TRDN: variants seen among roughly 807,000 people sequenced by gnomAD.
TRDN encodes the protein triadin in skeletal muscle.
TRDN carries 161 observed loss-of-function variants against 149.7 expected under a neutral mutation model. The ratio of observed to expected loss-of-function variants is 1.08; its 90% CI spans 0.95 to 1.23. TRDN has a LOEUF of 1.23. TRDN is among the 50% of genes most tolerant of loss of function. TRDN has a pLI of 0.00. For missense variants in TRDN, 896 were observed against 823.5 expected (o/e 1.09, Z -1.08); for synonymous variants, 294 against 250.5 (o/e 1.17, Z -1.64).
intron 23 of TRDN, among the ~76,000 whole-genome samples, chr6:123,321,955 G>A (rs1779258514): frequency 6.6e-6 from 1 of 152,088 alleles, no homozygotes; most frequent in African/African-American, 2.4e-5. Flanking sequence ...CTAACTTTGG[G>A]TGAGGTCACA....
intron 1 of TRDN, among the ~76,000 whole-genome samples, chr6:123,605,513 G>A (rs943788761): frequency 6.6e-6 from 1 of 151,022 alleles, no homozygotes; most frequent in Admixed American, 6.6e-5. Flanking sequence ...TGGGCCAGGC[G>A]TGGTGGCTCA....
chr6:123,220,175 A>T (rs1018856834), intron 40 of TRDN, among the ~76,000 whole-genome samples: 3 of 151,820 alleles, frequency 2.0e-5, no homozygotes, highest in African/African-American at 7.2e-5. Context: ...TTTAATTAAA[A>T]TTTTTACTTT....
chr6:123,350,565 A>G lies in TRDN; in HGVS notation c.1369+1974T>C, dbSNP rs1250839859. ...TCTTAAAGCATTATGCATAACTATTAGAATATGGGACAATTTATAGAATGT... is the reference window on the plus strand; with the variant it reads ...TCTTAAAGCATTATGCATAACTATTGGAATATGGGACAATTTATAGAATGT... On this transcript the variant is annotated intron_variant, in intron 21 of 40. Coordinates refer to ENST00000334268, the MANE Select transcript of TRDN (RefSeq NM_006073.4). 8 of 695,286 alleles carry G rather than the reference A, an allele frequency of 1.2e-5. No homozygotes were observed. The South Asian group carries it at 4.6e-4, about 40-fold the overall frequency. 43.1% of individuals were successfully genotyped at this position (695,286 alleles called of 1,614,324 possible).
At chr6:123,574,978 C>T (rs574416749) in intron 1 of TRDN, among the ~76,000 whole-genome samples, 54 of 148,262 alleles carry the variant, frequency 3.6e-4, no homozygotes, top group African/African-American at 1.1e-3. Flanking sequence ...ATGAATTTTA[C>T]GTTTTCTAAA....
intron 5 of TRDN, 87 bp downstream of exon 5, chr6:123,530,419 A>C: frequency 1.2e-6 from 1 of 807,198 alleles, no homozygotes; most frequent in Non-Finnish European, 1.7e-6. Context: ...AATGTTACAA[A>C]AACACTAAAC....
intron 20 of TRDN, among the ~76,000 whole-genome samples, chr6:123,363,799 A>C (rs1243926407): frequency 6.6e-6 from 1 of 152,138 alleles, no homozygotes; most frequent in East Asian, 1.9e-4. Flanking sequence ...ATACTATGTG[A>C]GCTTATATTT....
chr6:123,427,849 A>C (rs934690901), intron 12 of TRDN, among the ~76,000 whole-genome samples: 1 of 152,166 alleles, frequency 6.6e-6, no homozygotes, highest in Non-Finnish European at 1.5e-5. Flanking sequence ...GGAAGGATTT[A>C]ATTCTTTACT....
At chr6:123,280,244 T>G (rs1424430560) in intron 24 of TRDN, among the ~76,000 whole-genome samples, 2 of 152,006 alleles carry the variant, frequency 1.3e-5, no homozygotes, top group African/African-American at 4.8e-5. Context: ...GAAGGTGACA[T>G]TAAGTCATCA....
chr6:123,453,422 A>G (rs957330250), intron 10 of TRDN, among the ~76,000 whole-genome samples: 8 of 152,124 alleles, frequency 5.3e-5, no homozygotes, highest in African/African-American at 1.9e-4. Flanking sequence ...AAAAAAACAG[A>G]CAATCTCATC....
intron 12 of TRDN, among the ~76,000 whole-genome samples, chr6:123,423,999 A>G (rs1774016052): frequency 6.6e-6 from 1 of 152,152 alleles, no homozygotes; most frequent in Non-Finnish European, 1.5e-5. Context: ...TTGAGCCTAC[A>G]TGGTTAGAGT....
Position 123,393,833 on chromosome 6 carries a change from G to A in TRDN, c.1052-156C>T, listed in dbSNP as rs1772608753. ...AAGACATAAACTTATTAGAGGAATT[G>A]CTGAGAATGGAGCTTACTGAAAGAA... On this transcript the variant is annotated intron_variant, in intron 12 of 40. Transcript: ENST00000334268. The A allele has an allele frequency of 6.3e-6, 4 of 634,480 alleles. No homozygotes were observed. In the East Asian group the frequency reaches 1.1e-4, roughly 18 times the overall value. The allele number at this position is 634,480 out of a possible 1,614,324, so 39.3% of individuals were successfully genotyped here.
At chr6:123,228,605 A>G (rs1003496192) in intron 38 of TRDN, among the ~76,000 whole-genome samples, 4 of 151,856 alleles carry the variant, frequency 2.6e-5, no homozygotes, top group South Asian at 2.1e-4. Flanking sequence ...CCTTGATTCA[A>G]TTACCTCCCA....
intron 5 of TRDN, among the ~76,000 whole-genome samples, chr6:123,522,440 G>C (rs927291248): frequency 7.3e-5 from 11 of 151,238 alleles, no homozygotes; most frequent in South Asian, 2.1e-4. Context: ...AACTACATGG[G>C]GGGGGAAAGC....
At chr6:123,512,143 TTTAA>T (rs2114858462) in intron 7 of TRDN, among the ~76,000 whole-genome samples, 156 bp downstream of exon 7, 1 of 152,224 alleles carries the variant, frequency 6.6e-6, no homozygotes, top group African/African-American at 2.4e-5. Context: ...AAGTGTTCAG[TTTAA>T]TTATTCTTTT....
At chr6:123,381,310 G>C in intron 16 of TRDN, 60 bp downstream of exon 16, 1 of 1,462,560 alleles carries the variant, frequency 6.8e-7, no homozygotes, top group Non-Finnish European at 9.3e-7. Context: ...AAATACAGCA[G>C]CAGGCAAATA....
chr6:123,578,897 T>C (rs903015339), intron 1 of TRDN, among the ~76,000 whole-genome samples: 3 of 152,078 alleles, frequency 2.0e-5, no homozygotes, highest in Admixed American at 6.6e-5. Flanking sequence ...AGGTGGTTTT[T>C]TCGTGTGTGT....
chr6:123,424,881 C>T (rs1774050948), intron 12 of TRDN, among the ~76,000 whole-genome samples: 1 of 152,070 alleles, frequency 6.6e-6, no homozygotes, highest in Non-Finnish European at 1.5e-5. Context: ...GCCTAAGTGG[C>T]TATGATGAGT....
chr6:123,231,683 T>C (rs1251832965), intron 38 of TRDN, among the ~76,000 whole-genome samples: 1 of 151,936 alleles, frequency 6.6e-6, no homozygotes, highest in Non-Finnish European at 1.5e-5. Flanking sequence ...CATTTTAAAG[T>C]TTGGAAAATT....
At chr6:123,256,005 AG>A (rs1467614280) in intron 35 of TRDN, 103 bp from the exon 36 acceptor site, 4 of 583,012 alleles carry the variant, frequency 6.9e-6, no homozygotes, top group African/African-American at 5.9e-5. Flanking sequence ...TTTGTTACAT[AG>A]GTATACATGT....
Sources: gnomAD v4.1 joint callset for allele counts (sites outside exome capture counted in the v4.1 genomes callset) on GRCh38, gnomAD v4.1.1 for gene constraint, MANE v1.5 for transcripts, NCBI Gene and HGNC (gene_info 2026-07-23, HGNC 2026-07-21) for gene names.